SLC16A2: variants seen among roughly 807,000 people sequenced by gnomAD.
The protein encoded by SLC16A2 is solute carrier family 16 member 2.
A neutral mutation model predicts 27.2 loss-of-function variants in SLC16A2; 3 were observed. The observed-to-expected ratio is 0.11, with a 90% CI of 0.05 to 0.28. The LOEUF (loss-of-function observed/expected upper bound fraction) is 0.28, where lower values mean the gene tolerates loss of function less well. Among genes scored for constraint, SLC16A2 ranks in the 10% least tolerant of loss-of-function variants. SLC16A2 has a pLI of 1.00. For missense variants in SLC16A2, 295 were observed against 458.5 expected (o/e 0.64, Z 3.26); for synonymous variants, 202 against 187.8 (o/e 1.08, Z -0.62).
At chrX:74,493,843 A>T (rs1252097730) in intron 1 of SLC16A2, among the ~76,000 whole-genome samples, 2 of 111,394 alleles carry the variant, frequency 1.8e-5, no homozygotes, top group East Asian at 5.7e-4. Flanking sequence ...CACCAGGAGT[A>T]AACCACGGAA....
At chrX:74,512,396 G>C (rs189511868) in intron 1 of SLC16A2, among the ~76,000 whole-genome samples, 2 of 112,244 alleles carry the variant, frequency 1.8e-5, no homozygotes, top group Admixed American at 9.4e-5. Flanking sequence ...TCACTGTACT[G>C]TGCATCTTGT....
chrX:74,446,433 A>G (rs1319892424), intron 1 of SLC16A2, among the ~76,000 whole-genome samples: 1 of 111,309 alleles, frequency 9.0e-6, no homozygotes, highest in Non-Finnish European at 1.9e-5. Context: ...CAGCCTGGGC[A>G]ACATGGCGAA....
chrX:74,484,116 C>A (rs1274737257), intron 1 of SLC16A2, among the ~76,000 whole-genome samples: 1 of 111,654 alleles, frequency 9.0e-6, no homozygotes, highest in Non-Finnish European at 1.9e-5. Context: ...TGAAAAGAGT[C>A]AAACTCTGTA....
intron 3 of SLC16A2, among the ~76,000 whole-genome samples, chrX:74,525,536 C>A (rs1930474977): frequency 9.0e-6 from 1 of 111,299 alleles, no homozygotes; most frequent in Non-Finnish European, 1.9e-5. Flanking sequence ...GTGGAGGTAC[C>A]CACCCTCCTT....
chrX:74,509,518 T>C (rs1930191812), intron 1 of SLC16A2, among the ~76,000 whole-genome samples: 1 of 111,779 alleles, frequency 8.9e-6, no homozygotes, highest in South Asian at 3.8e-4. Context: ...TTTTGAATGT[T>C]GAACTAACCT....
chrX:74,452,949 A>T (rs1310640635), intron 1 of SLC16A2, among the ~76,000 whole-genome samples: 1 of 111,205 alleles, frequency 9.0e-6, no homozygotes, highest in Non-Finnish European at 1.9e-5. Context: ...ACAACTTGGT[A>T]CTCATTGAAC....
chrX:74,487,533 T>C (rs988147175), intron 1 of SLC16A2, among the ~76,000 whole-genome samples: 6 of 112,130 alleles, frequency 5.4e-5, no homozygotes, highest in Non-Finnish European at 1.1e-4. Flanking sequence ...CAGTGATTGT[T>C]TAATAGTGAG....
intron 4 of SLC16A2, among the ~76,000 whole-genome samples, chrX:74,527,934 C>T (rs997930991): frequency 8.9e-6 from 1 of 111,931 alleles, no homozygotes; most frequent in African/African-American, 3.2e-5. Context: ...GTTCTTATTC[C>T]TAGCTTCTGC....
intron 1 of SLC16A2, among the ~76,000 whole-genome samples, chrX:74,423,142 C>T (rs1355304024): frequency 8.9e-6 from 1 of 112,579 alleles, no homozygotes; most frequent in Non-Finnish European, 1.9e-5. Flanking sequence ...CGAAATCCCT[C>T]AGCAGTTCTG....
At chrX:74,479,106 C>T (rs1398633729) in intron 1 of SLC16A2, among the ~76,000 whole-genome samples, 3 of 112,234 alleles carry the variant, frequency 2.7e-5, no homozygotes, top group Non-Finnish European at 5.6e-5. Flanking sequence ...TTCTCCCCGT[C>T]ACTTTCAGGT....
intron 1 of SLC16A2, among the ~76,000 whole-genome samples, chrX:74,448,302 ATTTTTT>A (rs144467927): frequency 7.8e-5 from 5 of 64,274 alleles, no homozygotes; most frequent in Non-Finnish European, 1.4e-4. Context: ...AATCCTTTGG[ATTTTTT>A]TTTTTTTTTT....
chrX:74,444,413 T>C (rs1462486596), intron 1 of SLC16A2, among the ~76,000 whole-genome samples: 2 of 108,922 alleles, frequency 1.8e-5, no homozygotes, highest in African/African-American at 6.7e-5. Flanking sequence ...CAATCCTGGC[T>C]GTCCTGGCAC....
At chrX:74,478,026 A>T (rs767954047) in intron 1 of SLC16A2, among the ~76,000 whole-genome samples, 2 of 111,932 alleles carry the variant, frequency 1.8e-5, no homozygotes, top group African/African-American at 3.2e-5. Flanking sequence ...AGCTGAGATC[A>T]GTTCCTGGAT....
chrX:74,503,942 T>C (rs781521747), intron 1 of SLC16A2, among the ~76,000 whole-genome samples: 1 of 111,960 alleles, frequency 8.9e-6, no homozygotes, highest in Admixed American at 9.5e-5. Context: ...GGTGTGAAAA[T>C]TAAATGAAAT....
At chrX:74,508,412 T>C (rs1930171982) in intron 1 of SLC16A2, among the ~76,000 whole-genome samples, 1 of 112,197 alleles carries the variant, frequency 8.9e-6, no homozygotes, top group Admixed American at 9.5e-5. Flanking sequence ...GTCTGACATG[T>C]TTTAAATCAA....
intron 1 of SLC16A2, among the ~76,000 whole-genome samples, chrX:74,508,429 C>G (rs754139473): frequency 1.8e-5 from 2 of 111,839 alleles, no homozygotes; most frequent in African/African-American, 3.2e-5. Context: ...TCAAATTTAT[C>G]CATAAGTATT....
intron 1 of SLC16A2, among the ~76,000 whole-genome samples, chrX:74,485,233 A>G (rs1178345397): frequency 9.2e-6 from 1 of 109,157 alleles, no homozygotes; most frequent in Admixed American, 9.8e-5. Context: ...AAAAAAAAAA[A>G]ATTAAGGAAA....
Position 74,483,421 on chromosome X carries a change from C to T in SLC16A2, c.431-37569C>T, listed in dbSNP as rs1345241096. Among the ~76,000 whole-genome samples, 3 of 111,722 alleles carry T rather than the reference C, an allele frequency of 2.7e-5. No individual in the cohort carries two copies. The East Asian group carries it at 8.5e-4, about 32-fold the overall frequency. On this transcript the variant is annotated intron_variant, in intron 1 of 5. Transcript: ENST00000587091. ...GTTCTTCTTAGCTTTTTCTCTGGTT[C>T]TCTCTGTTAAACTTCTAGCTGGTGA...
At chrX:74,445,957 G>C (rs1464847237) in intron 1 of SLC16A2, among the ~76,000 whole-genome samples, 1 of 110,913 alleles carries the variant, frequency 9.0e-6, no homozygotes, top group Non-Finnish European at 1.9e-5. Context: ...AGCAACCAAG[G>C]TCAGATTTTT....
Sources: allele counts gnomAD v4.1 joint callset (sites outside exome capture counted in the v4.1 genomes callset), GRCh38; gene constraint gnomAD v4.1.1; transcripts MANE v1.5; gene names NCBI Gene and HGNC (gene_info 2026-07-23, HGNC 2026-07-21).